SVIL: variants seen among roughly 807,000 people sequenced by gnomAD.
SVIL encodes the protein supervillin, also known as archvillin.
SVIL carries 101 observed loss-of-function variants against 240.4 expected under a neutral mutation model. The observed-to-expected ratio is 0.42, with a 90% CI of 0.36 to 0.50. The LOEUF is 0.50. Among genes scored for constraint, SVIL ranks in the 20% least tolerant of loss-of-function variants. SVIL has a pLI of 0.01. For synonymous variants in SVIL, 999 were observed against 1,100.0 expected (o/e 0.91, Z 1.82); for missense variants, 2,512 against 2,818.7 (o/e 0.89, Z 2.46).
At position 29,530,619 on chromosome 10, in the gene SVIL, C is replaced by T. The variant is rs755771812; in HGVS notation, c.2094G>A (p.Arg698=). ...CAGCACAGCTTACCCTGAAAAGCAA[C>T]CTCTTGGCGGCGACGCTCAGCTTGG... ...ERAKLSVAAK[R]LLFREMEKSF... Residue 698 remains arginine, a synonymous_variant, in exon 11 of 38, where the codon AGG becomes AGA. Coordinates refer to ENST00000355867, the MANE Select transcript of SVIL (RefSeq NM_021738.3). 6 of 1,614,136 alleles carry T rather than the reference C, an allele frequency of 3.7e-6. No homozygotes were observed. Among genetic ancestry groups the T allele is most frequent in the Non-Finnish European group, 5.1e-6 (6 of 1,180,020 alleles).
At chr10:29,667,526 T>C (rs974770538) in intron 2 of SVIL, among the ~76,000 whole-genome samples, 2 of 152,118 alleles carry the variant, frequency 1.3e-5, no homozygotes, top group Admixed American at 6.5e-5. Flanking sequence ...ATCTTGATTA[T>C]GTCGGTGGCT....
At chr10:29,686,694 C>T (rs1961091298) in intron 1 of SVIL, 1 of 152,122 alleles carries the variant, frequency 6.6e-6, no homozygotes, top group Non-Finnish European at 1.5e-5. Flanking sequence ...ATGTAATTTC[C>T]AAAGCCTAGA....
At chr10:29,643,859 C>A in intron 3 of SVIL, 2 of 410,456 alleles carry the variant, frequency 4.9e-6, no homozygotes, top group Non-Finnish European at 9.8e-6. Context: ...TGTAGCAGAG[C>A]TCAACACAAA....
intron 3 of SVIL, among the ~76,000 whole-genome samples, chr10:29,655,875 T>G (rs1381356377): frequency 1.7e-4 from 7 of 42,212 alleles, no homozygotes; most frequent in East Asian, 8.5e-4. Context: ...TATGTGTGGG[T>G]TTTTTTTTTT....
intron 3 of SVIL, among the ~76,000 whole-genome samples, chr10:29,562,536 G>A (rs1439129053): frequency 6.6e-6 from 1 of 152,182 alleles, no homozygotes; most frequent in Admixed American, 6.5e-5. Context: ...GGAGGCGGGC[G>A]GATCACCTAA....
intron 2 of SVIL, among the ~76,000 whole-genome samples, chr10:29,672,814 T>C (rs929529168): frequency 2.6e-5 from 4 of 152,028 alleles, no homozygotes; most frequent in African/African-American, 4.8e-5. Flanking sequence ...GCATCTAGAA[T>C]GTGGCTTCCT....
At chr10:29,604,757 T>C (rs1956955672) in intron 1 of SVIL, among the ~76,000 whole-genome samples, 1 of 151,756 alleles carries the variant, frequency 6.6e-6, no homozygotes, top group Non-Finnish European at 1.5e-5. Flanking sequence ...TTTGTAAAGA[T>C]AGGGTCTTGC....
Position 29,486,093 on chromosome 10 carries a change from G to A in SVIL, c.4771C>T (p.Pro1591Ser). ...GKIPKCSLLQ[P>S]KEVLVFDFGS... The stretch of plus-strand genomic sequence containing the variant: ...GAGCCCACGGACTGTACCTCTTTGG[G>A]TTGCAGAAGGGAGCACTTCGGAATT... The change falls in exon 26 of 38, where the codon CCC (proline) becomes TCC (serine). Residue 1591 changes from proline to serine, a missense_variant. By Grantham distance (74) the Pro-to-Ser change is moderately conservative. Coordinates refer to ENST00000355867, the MANE Select transcript of SVIL (RefSeq NM_021738.3). 6.2e-7 allele frequency: 1 copy of A among 1,614,228 alleles called. No individual in the cohort carries two copies. Among genetic ancestry groups the A allele is most frequent in the Non-Finnish European group, 8.5e-7 (1 of 1,180,050 alleles).
chr10:29,530,995 G>C (rs530795649), intron 10 of SVIL, among the ~76,000 whole-genome samples: 2 of 152,284 alleles, frequency 1.3e-5, no homozygotes, highest in East Asian at 3.9e-4. Context: ...GCAACAACAA[G>C]AAGAACCTGC....
chr10:29,568,027 A>AC (rs1420299385), intron 2 of SVIL, among the ~76,000 whole-genome samples: 1 of 126,550 alleles, frequency 7.9e-6, no homozygotes, highest in Non-Finnish European at 1.7e-5. Flanking sequence ...AAAAAAAAAA[A>AC]CAAAAAAAAA....
intron 1 of SVIL, among the ~76,000 whole-genome samples, chr10:29,729,453 GTGTGTGTGTGTGT>G (rs1964477011): frequency 7.5e-4 from 15 of 20,062 alleles, no homozygotes; most frequent in East Asian, 0.012. Flanking sequence ...TTATGGAGGT[GTGTGTGTGTGTGT>G]GTGTGTGTGT....
At chr10:29,653,005 T>A (rs1460244486) in intron 3 of SVIL, among the ~76,000 whole-genome samples, 1 of 152,052 alleles carries the variant, frequency 6.6e-6, no homozygotes, top group African/African-American at 2.4e-5. Context: ...TTTTCCTTTT[T>A]TTTTTTTTTC....
chr10:29,672,885 A>G (rs1418714636), intron 2 of SVIL, among the ~76,000 whole-genome samples: 3 of 151,812 alleles, frequency 2.0e-5, no homozygotes, highest in Non-Finnish European at 4.4e-5. Context: ...GGCACACAGC[A>G]GGATCTTAGC....
intron 32 of SVIL, 111 bp from the exon 33 acceptor site, chr10:29,467,986 T>C: frequency 8.3e-7 from 1 of 1,206,650 alleles, no homozygotes; most frequent in South Asian, 1.5e-5. Context: ...TGAGATATAA[T>C]TCACATGTCA....
intron 1 of SVIL, among the ~76,000 whole-genome samples, chr10:29,594,740 A>G (rs1183111767): frequency 2.0e-5 from 3 of 152,028 alleles, no homozygotes; most frequent in Non-Finnish European, 4.4e-5. Context: ...TATTTTTAGT[A>G]GAGACAGGGT....
chr10:29,626,789 C>A (rs190483042), intron 1 of SVIL, among the ~76,000 whole-genome samples: 1 of 152,156 alleles, frequency 6.6e-6, no homozygotes, highest in African/African-American at 2.4e-5. Context: ...CGTTGGGAAG[C>A]GGAGGCGGGT....
intron 7 of SVIL, among the ~76,000 whole-genome samples, chr10:29,534,738 C>G (rs1213094561): frequency 2.0e-5 from 3 of 152,160 alleles, no homozygotes; most frequent in Non-Finnish European, 1.5e-5. Flanking sequence ...CCTTAGTAAG[C>G]CTCAGTTGCT....
chr10:29,529,959 C>T (rs897385931), intron 11 of SVIL, 115 bp from the exon 12 acceptor site: 3 of 1,140,784 alleles, frequency 2.6e-6, no homozygotes, highest in South Asian at 3.4e-5. Context: ...TTGCTGGAGG[C>T]CAAGAGTTCA....
intron 1 of SVIL, among the ~76,000 whole-genome samples, chr10:29,732,041 A>C (rs747672215): frequency 6.6e-6 from 1 of 152,246 alleles, no homozygotes; most frequent in Non-Finnish European, 1.5e-5. Context: ...GATGGAGTGC[A>C]ACAAGTGGCT....
Sources: allele counts gnomAD v4.1 joint callset (sites outside exome capture counted in the v4.1 genomes callset), GRCh38; gene constraint gnomAD v4.1.1; transcripts MANE v1.5; gene names NCBI Gene and HGNC (gene_info 2026-07-23, HGNC 2026-07-21).